Variants in UNC5D observed in about 807,000 individuals in gnomAD.
UNC5D encodes the protein unc-5 netrin receptor D.
A neutral mutation model predicts 105.4 loss-of-function variants in UNC5D; 39 were observed. The ratio of observed to expected loss-of-function variants is 0.37; its 90% CI spans 0.29 to 0.48. The LOEUF (loss-of-function observed/expected upper bound fraction) is 0.48, where lower values mean the gene tolerates loss of function less well. UNC5D is among the 20% of genes least tolerant of loss of function. The probability of loss-of-function intolerance (pLI) is 0.98; values close to 1 mark genes in which losing one functional copy is unlikely to be tolerated. For synonymous variants in UNC5D, 452 were observed against 450.4 expected, an observed-to-expected ratio of 1.00 and a Z score of -0.04; for missense variants, 991 against 1,202.4, an observed-to-expected ratio of 0.82 and a Z score of 2.60.
At chr8:35,499,633 G>A (rs1410875084) in intron 1 of UNC5D, among the ~76,000 whole-genome samples, 1 of 152,132 alleles carries the variant, frequency 6.6e-6, no homozygotes, top group Non-Finnish European at 1.5e-5. Flanking sequence ...AAAGTTTTGG[G>A]TTTAATGTAG....
intron 4 of UNC5D, among the ~76,000 whole-genome samples, chr8:35,646,222 A>G (rs1022913986): frequency 6.6e-6 from 1 of 152,132 alleles, no homozygotes; most frequent in Non-Finnish European, 1.5e-5. Context: ...CTTGCAGATT[A>G]CTAGGTGATA....
chr8:35,565,842 G>T (rs935339887), intron 2 of UNC5D, among the ~76,000 whole-genome samples: 1 of 152,144 alleles, frequency 6.6e-6, no homozygotes, highest in African/African-American at 2.4e-5. Flanking sequence ...CCCAGTATAT[G>T]TTTTTGTCTG....
At chr8:35,550,651 A>G (rs536727906) in intron 2 of UNC5D, among the ~76,000 whole-genome samples, 1 of 152,328 alleles carries the variant, frequency 6.6e-6, no homozygotes, top group East Asian at 1.9e-4. Flanking sequence ...CAGAGATAAG[A>G]CAAATATGCC....
intron 12 of UNC5D, 74 bp from the exon 13 acceptor site, chr8:35,750,508 T>G: frequency 6.9e-7 from 1 of 1,447,250 alleles, no homozygotes; most frequent in Non-Finnish European, 9.7e-7. Context: ...GTTTATTTAT[T>G]TGTGTCCTGG....
chr8:35,722,103 C>G (rs1828611395), intron 8 of UNC5D, 107 bp from the exon 9 acceptor site: 3 of 1,261,888 alleles, frequency 2.4e-6, no homozygotes, highest in Non-Finnish European at 3.3e-6. Context: ...GTCATTGTCT[C>G]TGAGCAGTAG....
intron 1 of UNC5D, among the ~76,000 whole-genome samples, chr8:35,274,816 T>A (rs954119664): frequency 6.6e-6 from 1 of 152,186 alleles, no homozygotes. Flanking sequence ...TATTTAAAAA[T>A]TTTATCAATT....
chr8:35,464,758 T>TCC (rs1809173308), intron 1 of UNC5D, among the ~76,000 whole-genome samples: 1 of 152,226 alleles, frequency 6.6e-6, no homozygotes, highest in Non-Finnish European at 1.5e-5. Flanking sequence ...TAAATCTACT[T>TCC]TTATCCCTAA....
chr8:35,622,256 C>T (rs562602408), intron 4 of UNC5D, among the ~76,000 whole-genome samples: 11 of 152,202 alleles, frequency 7.2e-5, no homozygotes, highest in South Asian at 6.2e-4. Flanking sequence ...GCAGGAGAAT[C>T]GCTTGAACCT....
chr8:35,284,228 C>T (rs1205620498), intron 1 of UNC5D, among the ~76,000 whole-genome samples: 2 of 152,162 alleles, frequency 1.3e-5, no homozygotes, highest in African/African-American at 4.8e-5. Flanking sequence ...TCATAGGGGG[C>T]ATAAGCAACT....
At chr8:35,344,362 G>T (rs1199822027) in intron 1 of UNC5D, among the ~76,000 whole-genome samples, 1 of 151,976 alleles carries the variant, frequency 6.6e-6, no homozygotes, top group African/African-American at 2.4e-5. Flanking sequence ...CCATGATTCT[G>T]CTGGGAGAGA....
At chr8:35,462,396 C>A (rs188286350) in intron 1 of UNC5D, among the ~76,000 whole-genome samples, 3 of 152,058 alleles carry the variant, frequency 2.0e-5, no homozygotes, top group Non-Finnish European at 4.4e-5. Context: ...GATCTTAATT[C>A]TTCTGTGTGT....
intron 8 of UNC5D, among the ~76,000 whole-genome samples, chr8:35,716,253 A>G (rs1828243821): frequency 6.6e-6 from 1 of 152,224 alleles, no homozygotes; most frequent in South Asian, 2.1e-4. Context: ...GTAAAATAAG[A>G]TATTAATATA....
At chr8:35,789,105 AAG>A (rs1486005176) in intron 16 of UNC5D, among the ~76,000 whole-genome samples, 1 of 134,666 alleles carries the variant, frequency 7.4e-6, no homozygotes, top group Non-Finnish European at 1.6e-5. Flanking sequence ...CAGTGGCTCA[AAG>A]AGCAAAATAA....
At chr8:35,678,630 A>G (rs1048037318) in intron 4 of UNC5D, among the ~76,000 whole-genome samples, 1 of 152,192 alleles carries the variant, frequency 6.6e-6, no homozygotes, top group East Asian at 1.9e-4. Flanking sequence ...AACACTAACC[A>G]TAATTTTATA....
chr8:35,787,365 T>C (rs2131802084), intron 16 of UNC5D, among the ~76,000 whole-genome samples: 1 of 152,284 alleles, frequency 6.6e-6, no homozygotes, highest in African/African-American at 2.4e-5. Context: ...CATTTACCCA[T>C]GCTAGAAACA....
intron 1 of UNC5D, among the ~76,000 whole-genome samples, chr8:35,266,376 A>G (rs1456168927): frequency 2.0e-5 from 3 of 152,222 alleles, no homozygotes; most frequent in Non-Finnish European, 4.4e-5. Context: ...CTGTTGAACC[A>G]TATATAGTAA....
At chr8:35,529,246 C>G (rs1210765366) in intron 1 of UNC5D, among the ~76,000 whole-genome samples, 2 of 92,270 alleles carry the variant, frequency 2.2e-5, no homozygotes, top group Non-Finnish European at 3.7e-5. Context: ...GGAAGGGATC[C>G]AGTTTCAGCT....
chr8:35,548,263 A>C lies in UNC5D; in HGVS notation c.104-1029A>C, dbSNP rs142581661. ...GAGATTGTTCTTCCAGTGGTTCACT[A>C]GGTAGTTTTCCTCCATCCTAAAGAC... On this transcript the variant is annotated intron_variant, in intron 1 of 16. Coordinates refer to ENST00000404895, the MANE Select transcript of UNC5D (RefSeq NM_080872.4). Among the ~76,000 whole-genome samples, 468 of 152,314 alleles carry C rather than the reference A, an allele frequency of 3.1e-3. 4 individuals are homozygous for C. The highest frequency in any genetic ancestry group is 0.011 in the African/African-American group (437 of 41,584).
intron 4 of UNC5D, among the ~76,000 whole-genome samples, chr8:35,599,839 A>G (rs1040358596): frequency 5.3e-5 from 8 of 152,200 alleles, no homozygotes; most frequent in East Asian, 3.8e-4. Context: ...TTTAGGGTAC[A>G]TGTGCACAAC....
Sources: gnomAD v4.1 joint callset for allele counts (sites outside exome capture counted in the v4.1 genomes callset) on GRCh38, gnomAD v4.1.1 for gene constraint, MANE v1.5 for transcripts, NCBI Gene and HGNC (gene_info 2026-07-23, HGNC 2026-07-21) for gene names.